KYNU: variants seen among roughly 807,000 people sequenced by gnomAD.
The protein encoded by KYNU is L-kynurenine hydrolase.
A neutral mutation model predicts 59.2 loss-of-function variants in KYNU; 54 were observed. The ratio of observed to expected loss-of-function variants is 0.91; its 90% CI spans 0.73 to 1.14. The LOEUF (loss-of-function observed/expected upper bound fraction) is 1.14, where lower values mean the gene tolerates loss of function less well. Among genes scored for constraint, KYNU ranks in the 50% most tolerant of loss-of-function variants. The pLI is 0.00. For missense variants in KYNU, 567 were observed against 554.4 expected, an observed-to-expected ratio of 1.02 and a Z score of -0.23; for synonymous variants, 177 against 192.0, an observed-to-expected ratio of 0.92 and a Z score of 0.65.
At chr2:142,935,282 G>C (rs352899) in intron 4 of KYNU, among the ~76,000 whole-genome samples, 4,060 of 152,228 alleles carry the variant, frequency 0.027, 175 homozygotes, top group Admixed American at 0.11. Context: ...CAGGACCCTG[G>C]GTGATTTCTG....
chr2:142,974,313 A>G (rs1335694501), intron 8 of KYNU, among the ~76,000 whole-genome samples: 2 of 152,208 alleles, frequency 1.3e-5, no homozygotes, highest in Middle Eastern at 3.2e-3. Flanking sequence ...CAGGTAAGGG[A>G]ATAATCAATT....
intron 8 of KYNU, among the ~76,000 whole-genome samples, chr2:142,966,692 A>G (rs919368352): frequency 6.6e-6 from 1 of 152,152 alleles, no homozygotes; most frequent in African/African-American, 2.4e-5. Flanking sequence ...TCATTTACTA[A>G]TGTGAGTTAT....
intron 4 of KYNU, among the ~76,000 whole-genome samples, chr2:142,930,834 T>C (rs895522419): frequency 8.5e-5 from 13 of 152,208 alleles, no homozygotes; most frequent in African/African-American, 2.6e-4. Flanking sequence ...TATACCATAG[T>C]TGTAAGGTTT....
At chr2:142,890,382 G>T (rs1480585043) in intron 2 of KYNU, among the ~76,000 whole-genome samples, 4 of 152,094 alleles carry the variant, frequency 2.6e-5, no homozygotes, top group Non-Finnish European at 5.9e-5. Flanking sequence ...TTTTCAGAGT[G>T]TCAAACTGCC....
At chr2:142,885,311 T>C in intron 1 of KYNU, 38 bp from the exon 2 acceptor site, 1 of 1,561,020 alleles carries the variant, frequency 6.4e-7, no homozygotes, top group Non-Finnish European at 8.8e-7. Context: ...TACAGGAAAA[T>C]TATGGTGGCT....
chr2:142,999,114 C>G (rs1359202584), intron 10 of KYNU, among the ~76,000 whole-genome samples: 1 of 150,816 alleles, frequency 6.6e-6, no homozygotes, highest in Non-Finnish European at 1.5e-5. Flanking sequence ...CGGAAGTAGT[C>G]TGGAGAACAT....
At chr2:142,927,839 CAT>C (rs1683093450) in intron 4 of KYNU, 98 bp downstream of exon 4, 1 of 851,526 alleles carries the variant, frequency 1.2e-6, no homozygotes, top group Non-Finnish European at 2.0e-6. Context: ...TATTGAAGAA[CAT>C]AGTGATTTTC....
At chr2:142,988,828 T>A in intron 10 of KYNU, 1 of 1,570,254 alleles carries the variant, frequency 6.4e-7, no homozygotes, top group Non-Finnish European at 8.8e-7. Flanking sequence ...TCTTATATTG[T>A]ACTTCATTTG....
At chr2:142,986,353 A>T (rs780902510) in intron 10 of KYNU, among the ~76,000 whole-genome samples, 2 of 151,874 alleles carry the variant, frequency 1.3e-5, no homozygotes, top group Non-Finnish European at 2.9e-5. Context: ...CAGATTCCTC[A>T]CGTTGATGAA....
intron 4 of KYNU, among the ~76,000 whole-genome samples, chr2:142,943,969 A>G (rs1683691388): frequency 6.6e-6 from 1 of 152,212 alleles, no homozygotes; most frequent in East Asian, 1.9e-4. Context: ...TCCAATGGTA[A>G]ACAGCTTGGG....
chr2:142,956,358 A>G, intron 6 of KYNU, 84 bp downstream of exon 6: 1 of 829,918 alleles, frequency 1.2e-6, no homozygotes, highest in South Asian at 1.5e-5. Flanking sequence ...ATGTTTACTC[A>G]CTAGGCTTTT....
Position 143,040,474 on chromosome 2 carries a change from T to G in KYNU, c.1088T>G (p.Leu363Trp). The change falls in exon 13 of 14, where the codon TTG becomes TGG. Residue 363 changes from leucine to tryptophan, a missense_variant. Leu to Trp is a moderately conservative substitution (Grantham distance 61). Transcript: ENST00000264170. Reference sequence around the variant, plus strand: ...AAGGCATTGCGGAAAAAATCTGTTTTGCTAACTGGCTATCTGGAATACCTG... The same window carrying G: ...AAGGCATTGCGGAAAAAATCTGTTTGGCTAACTGGCTATCTGGAATACCTG... ...TMKALRKKSVLLTGYLEYLIK... is the reference protein window; with the variant it reads ...TMKALRKKSVWLTGYLEYLIK... 6.2e-7 allele frequency: 1 copy of G among 1,613,328 alleles called. No individual in the cohort carries two copies. The highest frequency in any genetic ancestry group is 1.1e-5 in the South Asian group (1 of 91,066).
chr2:142,960,482 G>A, intron 7 of KYNU, 142 bp from the exon 8 acceptor site: 1 of 604,798 alleles, frequency 1.7e-6, no homozygotes. Context: ...CTGCTCTTAT[G>A]CCAGATTTTT....
At position 143,055,632 on chromosome 2, in the gene KYNU, CAGGAAGGAAGGAAGGA is replaced by C. The variant is rs142416239; in HGVS notation, c.*13498_*13513del. 164 of 133,306 alleles carry C rather than the reference CAGGAAGGAAGGAAGGA, an allele frequency of 1.2e-3. No homozygotes were observed. The highest frequency in any genetic ancestry group is 3.6e-3 in the Middle Eastern group (1 of 278). The allele number at this position is 133,306 out of a possible 1,614,324, so 8.3% of individuals were successfully genotyped here. On this transcript the variant is annotated 3_prime_UTR_variant, in exon 14 of 14. Transcript: ENST00000264170. ...TTGAGGGTCATTAGTCATCTTACCA[CAGGAAGGAAGGAAGGA>C]AGGAAGGAAGGAAGGAAGGAAGGAA...
intron 2 of KYNU, among the ~76,000 whole-genome samples, chr2:142,890,440 A>G (rs922063499): frequency 2.6e-5 from 4 of 152,092 alleles, no homozygotes; most frequent in Non-Finnish European, 4.4e-5. Context: ...AACAGTAAAG[A>G]CAATTGCCTC....
chr2:142,953,944 T>C (rs962424144), intron 4 of KYNU: 4 of 152,160 alleles, frequency 2.6e-5, no homozygotes, highest in Admixed American at 2.0e-4. Context: ...TGGGACTCTC[T>C]CAGAAATATC....
At chr2:142,938,055 C>T (rs1041410726) in intron 4 of KYNU, among the ~76,000 whole-genome samples, 10 of 151,974 alleles carry the variant, frequency 6.6e-5, no homozygotes, top group Admixed American at 5.9e-4. Context: ...TTTTTTTTTA[C>T]GGGTTAGAGT....
intron 7 of KYNU, among the ~76,000 whole-genome samples, chr2:142,958,246 G>A (rs1295510045): frequency 6.6e-6 from 1 of 152,168 alleles, no homozygotes; most frequent in African/African-American, 2.4e-5. Flanking sequence ...AGACTCTCCA[G>A]TTTACTGGGT....
intron 2 of KYNU, among the ~76,000 whole-genome samples, chr2:142,891,571 T>A (rs1681715424): frequency 6.6e-6 from 1 of 152,238 alleles, no homozygotes. Context: ...TGTAATTGTT[T>A]GGACTCAGAT....
Sources: allele counts gnomAD v4.1 joint callset (sites outside exome capture counted in the v4.1 genomes callset), GRCh38; gene constraint gnomAD v4.1.1; transcripts MANE v1.5; gene names NCBI Gene and HGNC (gene_info 2026-07-23, HGNC 2026-07-21).